GRM8: variants seen among roughly 807,000 people sequenced by gnomAD.
GRM8 encodes the protein glutamate metabotropic receptor 8, also known as metabotropic glutamate receptor 8.
In GRM8, 47 loss-of-function variants were observed where a neutral mutation model predicts 87.2. The observed-to-expected ratio is 0.54, with a 90% confidence interval of 0.43 to 0.69. The LOEUF is 0.69. Ranked by LOEUF, GRM8 falls within the 30% of genes least tolerant of loss-of-function variation. The pLI is 0.00. For missense variants in GRM8, 1,019 were observed against 1,139.2 expected, an observed-to-expected ratio of 0.89 and a Z score of 1.52; for synonymous variants, 396 against 404.5, an observed-to-expected ratio of 0.98 and a Z score of 0.25.
At chr7:126,863,610 G>A (rs149261312) in intron 6 of GRM8, among the ~76,000 whole-genome samples, 3,640 of 152,222 alleles carry the variant, frequency 0.024, 62 homozygotes, top group Non-Finnish European at 0.034. Context: ...TGAATTTAGT[G>A]TGCTCGAGAA....
intron 2 of GRM8, among the ~76,000 whole-genome samples, chr7:127,160,527 A>ACG (rs35464826): frequency 0.52 from 77,665 of 149,754 alleles, 20,314 homozygotes; most frequent in Middle Eastern, 0.58. Context: ...AGGCTCCATC[A>ACG]CGCGCGCGCA....
chr7:127,037,489 C>T (rs1032401942), intron 3 of GRM8, among the ~76,000 whole-genome samples: 1 of 152,202 alleles, frequency 6.6e-6, no homozygotes, highest in Non-Finnish European at 1.5e-5. Context: ...ATGCTGGTCC[C>T]TCTTGCTCTG....
intron 8 of GRM8, among the ~76,000 whole-genome samples, chr7:126,558,177 G>T (rs548831766): frequency 3.3e-5 from 5 of 152,184 alleles, no homozygotes; most frequent in Admixed American, 6.6e-5. Context: ...TGGTAGGTTA[G>T]CAGAGAGTTA....
At chr7:126,560,612 C>T (rs1793593758) in intron 8 of GRM8, among the ~76,000 whole-genome samples, 1 of 152,048 alleles carries the variant, frequency 6.6e-6, no homozygotes, top group African/African-American at 2.4e-5. Context: ...GTAAATAGGC[C>T]TTATATAATA....
intron 10 of GRM8, among the ~76,000 whole-genome samples, chr7:126,441,395 T>G (rs1260922456): frequency 2.6e-5 from 4 of 152,074 alleles, no homozygotes; most frequent in African/African-American, 9.7e-5. Flanking sequence ...TATGCCAAAT[T>G]TATACTCATG....
At chr7:126,855,100 T>G (rs1411897658) in intron 6 of GRM8, among the ~76,000 whole-genome samples, 1 of 152,190 alleles carries the variant, frequency 6.6e-6, no homozygotes, top group African/African-American at 2.4e-5. Context: ...TTAAGAATAT[T>G]TTCTATATAT....
At chr7:126,806,626 T>C (rs1045465019) in intron 6 of GRM8, among the ~76,000 whole-genome samples, 5 of 152,242 alleles carry the variant, frequency 3.3e-5, no homozygotes, top group Non-Finnish European at 7.3e-5. Context: ...TTACAATCCT[T>C]TAGCTAAACA....
At chr7:126,882,792 C>T (rs1273977720) in intron 6 of GRM8, among the ~76,000 whole-genome samples, 1 of 152,026 alleles carries the variant, frequency 6.6e-6, no homozygotes, top group Non-Finnish European at 1.5e-5. Flanking sequence ...ATCAAAATTT[C>T]CTACTCAGGC....
At chr7:126,959,887 T>A (rs1301494851) in intron 3 of GRM8, among the ~76,000 whole-genome samples, 1 of 152,204 alleles carries the variant, frequency 6.6e-6, no homozygotes, top group Non-Finnish European at 1.5e-5. Context: ...ATAAATTAAT[T>A]ATCCTCTCTA....
intron 6 of GRM8, among the ~76,000 whole-genome samples, chr7:126,854,535 C>A (rs1042389131): frequency 2.0e-5 from 3 of 152,200 alleles, no homozygotes; most frequent in Admixed American, 1.3e-4. Context: ...ACATTTCTCA[C>A]AAATTCCCAG....
At chr7:126,751,126 C>T (rs1259989737) in intron 7 of GRM8, among the ~76,000 whole-genome samples, 1 of 152,004 alleles carries the variant, frequency 6.6e-6, no homozygotes, top group Admixed American at 6.6e-5. Context: ...AATGTTAGCA[C>T]TTGTATCAGT....
At chr7:126,722,073 G>A (rs541344267) in intron 7 of GRM8, among the ~76,000 whole-genome samples, 9 of 152,204 alleles carry the variant, frequency 5.9e-5, no homozygotes, top group Admixed American at 2.0e-4. Context: ...ATAACTAGAA[G>A]ATACTGTTCC....
chr7:126,601,167 T>C (rs918105441), intron 8 of GRM8, among the ~76,000 whole-genome samples: 3 of 148,404 alleles, frequency 2.0e-5, no homozygotes, highest in Non-Finnish European at 4.4e-5. Flanking sequence ...CACCTATGAG[T>C]GAGAATATGC....
At chr7:127,008,873 T>G (rs949841042) in intron 3 of GRM8, among the ~76,000 whole-genome samples, 2 of 152,164 alleles carry the variant, frequency 1.3e-5, no homozygotes, top group Non-Finnish European at 2.9e-5. Flanking sequence ...CTTTTCCGCT[T>G]TTCAAATATG....
intron 8 of GRM8, 98 bp from the exon 9 acceptor site, chr7:126,533,985 G>A (rs1238693235): frequency 1.1e-5 from 9 of 844,346 alleles, no homozygotes; most frequent in Non-Finnish European, 1.5e-5. Flanking sequence ...AATGCTGACA[G>A]TACAAATACA....
chr7:127,111,417 C>A (rs1826336859), intron 2 of GRM8, among the ~76,000 whole-genome samples: 1 of 152,206 alleles, frequency 6.6e-6, no homozygotes, highest in Non-Finnish European at 1.5e-5. Flanking sequence ...TTTACCTAAC[C>A]ACCCAGAACG....
chr7:127,232,966 T>A (rs1247065288), intron 2 of GRM8, among the ~76,000 whole-genome samples: 1 of 152,056 alleles, frequency 6.6e-6, no homozygotes, highest in Admixed American at 6.6e-5. Context: ...GCCTCCTGAG[T>A]AGCTGGGATT....
intron 9 of GRM8, among the ~76,000 whole-genome samples, chr7:126,475,654 A>G (rs1487473574): frequency 1.3e-5 from 2 of 152,192 alleles, no homozygotes; most frequent in Admixed American, 6.5e-5. Flanking sequence ...AACTCCAAAT[A>G]GACAAAGTAA....
At chr7:127,151,557 C>T (rs974236502) in intron 2 of GRM8, among the ~76,000 whole-genome samples, 1 of 151,996 alleles carries the variant, frequency 6.6e-6, no homozygotes, top group Non-Finnish European at 1.5e-5. Context: ...ACATAGGAGG[C>T]GATCGGGATG....
Sources: allele counts gnomAD v4.1 joint callset (sites outside exome capture counted in the v4.1 genomes callset), GRCh38; gene constraint gnomAD v4.1.1; transcripts MANE v1.5; gene names NCBI Gene and HGNC (gene_info 2026-07-23, HGNC 2026-07-21).